Variants in HMGA2 observed in about 807,000 individuals in gnomAD.
HMGA2 encodes the protein high mobility group AT-hook 2, also known as high mobility group protein HMGI-C.
Under a neutral mutation model 19.1 loss-of-function variants are expected in HMGA2, and 8 were observed. The ratio of observed to expected loss-of-function variants is 0.42; its 90% CI spans 0.25 to 0.76. The LOEUF (loss-of-function observed/expected upper bound fraction) is 0.76. Among genes scored for constraint, HMGA2 ranks in the 30% least tolerant of loss-of-function variants. The pLI is 0.28. For missense variants in HMGA2, 109 were observed against 136.3 expected, an observed-to-expected ratio of 0.80 and a Z score of 1.00; for synonymous variants, 60 against 48.8, an observed-to-expected ratio of 1.23 and a Z score of -0.96.
chr12:65,930,243 G>T (rs1389747223), intron 3 of HMGA2, among the ~76,000 whole-genome samples: 1 of 152,074 alleles, frequency 6.6e-6, no homozygotes, highest in Non-Finnish European at 1.5e-5. Context: ...CTTTAGAAAG[G>T]GTCTATTGAA....
intron 3 of HMGA2, among the ~76,000 whole-genome samples, chr12:65,932,154 A>C (rs550292211): frequency 6.6e-6 from 1 of 152,312 alleles, no homozygotes; most frequent in East Asian, 1.9e-4. Context: ...TGAGAGCTGG[A>C]GTCAAAACTG....
intron 3 of HMGA2, chr12:65,867,055 A>C (rs1411918083): frequency 2.4e-6 from 1 of 418,456 alleles, no homozygotes; most frequent in African/African-American, 2.0e-5. Context: ...GAAAGAGGAG[A>C]GTGTGTGAGG....
At chr12:65,935,554 T>G (rs1331651412) in intron 3 of HMGA2, among the ~76,000 whole-genome samples, 1 of 152,150 alleles carries the variant, frequency 6.6e-6, no homozygotes, top group Non-Finnish European at 1.5e-5. Context: ...ATAGTGTGAA[T>G]ACTTACTGTT....
chr12:65,963,207 CG>C, intron 4 of HMGA2, 37 bp from the exon 5 acceptor site: 1 of 1,602,680 alleles, frequency 6.2e-7, no homozygotes, highest in South Asian at 1.1e-5. Context: ...CACAGTATAA[CG>C]ATTGAGCGTC....
intron 3 of HMGA2, among the ~76,000 whole-genome samples, chr12:65,941,812 A>C (rs191252048): frequency 6.6e-5 from 10 of 152,350 alleles, no homozygotes; most frequent in Admixed American, 5.9e-4. Context: ...GAACCAAATA[A>C]ATTTTCTGAG....
intron 3 of HMGA2, among the ~76,000 whole-genome samples, chr12:65,855,791 G>A (rs1871710728): frequency 6.6e-6 from 1 of 151,898 alleles, no homozygotes; most frequent in Non-Finnish European, 1.5e-5. Context: ...TGATCATTAT[G>A]GGATTCTTTT....
At chr12:65,960,609 G>T (rs891392523) in intron 4 of HMGA2, among the ~76,000 whole-genome samples, 2 of 152,200 alleles carry the variant, frequency 1.3e-5, no homozygotes, top group African/African-American at 2.4e-5. Flanking sequence ...GCCAAGAAGA[G>T]AGAGCTCTCC....
intron 3 of HMGA2, among the ~76,000 whole-genome samples, chr12:65,895,511 T>G (rs1874087840): frequency 6.6e-6 from 1 of 152,234 alleles, no homozygotes; most frequent in South Asian, 2.1e-4. Flanking sequence ...ATTTTGTTTC[T>G]CTAGGAAACA....
chr12:65,861,599 T>C (rs1244531948), intron 3 of HMGA2, among the ~76,000 whole-genome samples: 2 of 145,878 alleles, frequency 1.4e-5, no homozygotes, highest in Non-Finnish European at 1.5e-5. Flanking sequence ...TCGTTTTAGG[T>C]AATATTGATT....
At chr12:65,888,655 C>T (rs1489187484) in intron 3 of HMGA2, among the ~76,000 whole-genome samples, 1 of 144,006 alleles carries the variant, frequency 6.9e-6, no homozygotes, top group African/African-American at 2.6e-5. Context: ...GCTCCGCCTC[C>T]CGGGTTCATG....
At chr12:65,883,497 TAGAG>T (rs1873528972) in intron 3 of HMGA2, among the ~76,000 whole-genome samples, 1 of 152,220 alleles carries the variant, frequency 6.6e-6, no homozygotes. Flanking sequence ...AAGTGAGACT[TAGAG>T]AGAAGTTAAA....
chr12:65,953,241 A>G (rs1000688633), intron 4 of HMGA2: 6 of 152,346 alleles, frequency 3.9e-5, no homozygotes, highest in African/African-American at 1.2e-4. Context: ...ACACTCCATG[A>G]AAACACATGA....
rs1433416843 is a variant in HMGA2, at chr12:65,838,565, A to G, written c.245A>G (p.Lys82Arg). The change falls in exon 3 of 5, where the codon AAA (lysine) becomes AGA (arginine). Residue 82 changes from lysine (K) to arginine (R), a missense_variant. Coordinates refer to ENST00000403681, the MANE Select transcript of HMGA2 (RefSeq NM_003483.6). ...GEKRPRGRPR[K>R]WPQQVVQKKP... ...AAACGGCCAAGAGGCAGACCTAGGAAATGGGTGAGTAATAAGATATAATTT... is the reference window on the plus strand; with the variant it reads ...AAACGGCCAAGAGGCAGACCTAGGAGATGGGTGAGTAATAAGATATAATTT... 1 of 1,605,830 alleles carries G rather than the reference A, an allele frequency of 6.2e-7. No individual in the cohort carries two copies. The highest frequency in any genetic ancestry group is 1.7e-5 in the Admixed American group (1 of 59,974).
intron 3 of HMGA2, chr12:65,856,802 C>T (rs770813726): frequency 6.6e-6 from 1 of 152,258 alleles, no homozygotes; most frequent in Non-Finnish European, 1.5e-5. Context: ...CCATTCTCTG[C>T]CTTGGTTGCC....
intron 2 of HMGA2, among the ~76,000 whole-genome samples, chr12:65,829,615 A>G (rs1737666159): frequency 2.6e-5 from 4 of 152,066 alleles, no homozygotes; most frequent in Admixed American, 6.5e-5. Context: ...CATCATGATA[A>G]TATCTCCTAG....
At chr12:65,928,209 T>C (rs947171429) in intron 3 of HMGA2, among the ~76,000 whole-genome samples, 62 of 152,138 alleles carry the variant, frequency 4.1e-4, no homozygotes, top group African/African-American at 1.1e-3. Context: ...GTACTGAAAC[T>C]GTAGGCAATT....
chr12:65,877,496 G>A (rs1475717652), intron 3 of HMGA2, among the ~76,000 whole-genome samples: 1 of 152,188 alleles, frequency 6.6e-6, no homozygotes, highest in East Asian at 1.9e-4. Context: ...CGGTCACTGG[G>A]AGAATGTAAA....
intron 3 of HMGA2, among the ~76,000 whole-genome samples, chr12:65,884,767 C>G (rs894328178): frequency 6.6e-6 from 1 of 152,132 alleles, no homozygotes; most frequent in Non-Finnish European, 1.5e-5. Context: ...AGAATCATTA[C>G]CTGTATGAAC....
At chr12:65,925,953 G>C (rs545980302) in intron 3 of HMGA2, among the ~76,000 whole-genome samples, 11 of 152,332 alleles carry the variant, frequency 7.2e-5, no homozygotes, top group African/African-American at 2.6e-4. Flanking sequence ...CTTCCTTTGA[G>C]AGGGGGTATA....
Sources: gnomAD v4.1 joint callset for allele counts (sites outside exome capture counted in the v4.1 genomes callset) on GRCh38, gnomAD v4.1.1 for gene constraint, MANE v1.5 for transcripts, NCBI Gene and HGNC (gene_info 2026-07-23, HGNC 2026-07-21) for gene names.